NELL2: variants seen among roughly 807,000 people sequenced by gnomAD.
The protein encoded by NELL2 is neural EGFL like 2, also known as protein kinase C-binding protein NELL2.
A neutral mutation model predicts 109.6 loss-of-function variants in NELL2; 41 were observed. The observed-to-expected ratio is 0.37, with a 90% confidence interval of 0.29 to 0.49. NELL2 has a LOEUF of 0.49. Among genes scored for constraint, NELL2 ranks in the 20% least tolerant of loss-of-function variants. The pLI, the probability that NELL2 is intolerant of heterozygous loss-of-function variation, is 0.98. For missense variants in NELL2, 900 were observed against 1,008.3 expected (o/e 0.89, Z 1.45); for synonymous variants, 355 against 344.7 (o/e 1.03, Z -0.33).
chr12:44,708,654 G>A (rs1938022667), intron 11 of NELL2, among the ~76,000 whole-genome samples: 1 of 152,128 alleles, frequency 6.6e-6, no homozygotes, highest in Non-Finnish European at 1.5e-5. Context: ...GGAAATTAAT[G>A]CAATCTTTAT....
chr12:44,563,752 C>T (rs1943558683), intron 15 of NELL2, among the ~76,000 whole-genome samples: 1 of 152,192 alleles, frequency 6.6e-6, no homozygotes, highest in Non-Finnish European at 1.5e-5. Flanking sequence ...TTCGTTGATA[C>T]TTTCTAGTAG....
At position 44,609,436 on chromosome 12, in the gene NELL2, G is replaced by A. The variant is rs75107788; in HGVS notation, c.1567+1412C>T. Among the ~76,000 whole-genome samples the A allele has an allele frequency of 4.3e-3, 648 of 152,128 alleles. 11 individuals carry two copies. Among genetic ancestry groups the A allele is most frequent in the South Asian group, 0.033 (158 of 4,824 alleles). On this transcript the variant is annotated intron_variant, in intron 14 of 19. Transcript: ENST00000429094. ...AGATCTCATCATGCTACTCAGAATG[G>A]TGCACAGTTTTAAACTTAAGAATTG...
At chr12:44,716,858 T>C (rs1938516350) in intron 9 of NELL2, among the ~76,000 whole-genome samples, 1 of 152,100 alleles carries the variant, frequency 6.6e-6, no homozygotes, top group Admixed American at 6.6e-5. Context: ...ATTCTCCTTA[T>C]TAAAAGTCTT....
chr12:44,546,640 G>A (rs1385376477), intron 15 of NELL2, among the ~76,000 whole-genome samples: 2 of 152,140 alleles, frequency 1.3e-5, no homozygotes, highest in African/African-American at 2.4e-5. Flanking sequence ...CTGTCAATAT[G>A]AGGTCACTTA....
intron 12 of NELL2, among the ~76,000 whole-genome samples, chr12:44,669,316 A>T (rs1267581814): frequency 6.6e-6 from 1 of 152,236 alleles, no homozygotes; most frequent in Non-Finnish European, 1.5e-5. Flanking sequence ...ATATCAACAT[A>T]AAGACATAAG....
intron 2 of NELL2, among the ~76,000 whole-genome samples, chr12:44,868,724 T>C (rs1945079624): frequency 1.3e-5 from 2 of 152,134 alleles, no homozygotes; most frequent in South Asian, 4.1e-4. Flanking sequence ...TGCTGGTTAC[T>C]AGGGCCTGGG....
At chr12:44,587,284 A>AAAAAAAAATATAT in intron 15 of NELL2, among the ~76,000 whole-genome samples, 70 of 72,192 alleles carry the variant, frequency 9.7e-4, no homozygotes, top group Non-Finnish European at 1.6e-3. Flanking sequence ...AAAAAAAAAA[A>AAAAAAAAATATAT]ATATATATAT....
At chr12:44,625,673 T>C (rs1566041623) in intron 13 of NELL2, among the ~76,000 whole-genome samples, 1 of 152,184 alleles carries the variant, frequency 6.6e-6, no homozygotes, top group Non-Finnish European at 1.5e-5. Flanking sequence ...CCTGACCTGA[T>C]TGCTGAATAC....
chr12:44,912,195 G>A (rs1945787681), intron 1 of NELL2, among the ~76,000 whole-genome samples: 1 of 151,920 alleles, frequency 6.6e-6, no homozygotes, highest in Non-Finnish European at 1.5e-5. Context: ...TTTATGAGGA[G>A]AGACAATGGA....
At chr12:44,586,511 C>T (rs1370611242) in intron 15 of NELL2, among the ~76,000 whole-genome samples, 6 of 151,864 alleles carry the variant, frequency 4.0e-5, no homozygotes, top group African/African-American at 1.2e-4. Flanking sequence ...GTCTATCTAC[C>T]TATATAATTT....
intron 2 of NELL2, among the ~76,000 whole-genome samples, chr12:44,859,280 G>A (rs549717972): frequency 1.8e-4 from 27 of 152,302 alleles, no homozygotes; most frequent in South Asian, 1.2e-3. Context: ...AGTGGCTCAC[G>A]CCTGTAATTC....
At position 44,708,572 on chromosome 12, in the gene NELL2, G is replaced by A. The variant is rs545143546; in HGVS notation, c.1189+2720C>T. ...GGAGTTGACTAAAAATTTAAGCCTT[G>A]AAAACTTGACTTCTTTTAGTTTGAA... is the stretch of plus-strand genomic sequence containing the variant. On this transcript the variant is annotated intron_variant, in intron 11 of 19. Transcript: ENST00000429094. 7.6e-4 allele frequency among the ~76,000 whole-genome samples: 115 copies of A among 152,292 alleles called. 1 individual carries two copies. Among genetic ancestry groups the A allele is most frequent in the Admixed American group, 1.6e-3 (24 of 15,278 alleles).
Position 44,589,411 on chromosome 12 carries a change from T to TATTTATTC in NELL2, c.1663+17757_1663+17758insGAATAAAT, listed in dbSNP as rs1555181517. 6.0e-5 allele frequency among the ~76,000 whole-genome samples: 9 copies of TATTTATTC among 150,560 alleles called. No individual in the cohort carries two copies. In the East Asian group the frequency reaches 1.4e-3, roughly 23 times the overall value. ...TTATTTATTTATTTATTTATTTATT[T>TATTTATTC]GAGATGGAGTCTGGCTCTGTCATCC... is the stretch of plus-strand genomic sequence containing the variant. On this transcript the variant is annotated intron_variant, in intron 15 of 19. Coordinates refer to ENST00000429094, the MANE Select transcript of NELL2 (RefSeq NM_001145108.2).
intron 13 of NELL2, among the ~76,000 whole-genome samples, chr12:44,646,778 A>C (rs1040686879): frequency 1.3e-5 from 2 of 152,190 alleles, no homozygotes; most frequent in African/African-American, 4.8e-5. Flanking sequence ...GAGTTTACAA[A>C]TCACTCTTAG....
chr12:44,604,223 G>A (rs892331100), intron 15 of NELL2, among the ~76,000 whole-genome samples: 8 of 151,794 alleles, frequency 5.3e-5, no homozygotes, highest in African/African-American at 1.2e-4. Flanking sequence ...AGGCAGGACA[G>A]GAAAGAGAGA....
At chr12:44,838,762 A>G (rs1188611102) in intron 2 of NELL2, among the ~76,000 whole-genome samples, 1 of 152,242 alleles carries the variant, frequency 6.6e-6, no homozygotes, top group Non-Finnish European at 1.5e-5. Flanking sequence ...CTTCTAGCAG[A>G]ACTAGAATAC....
chr12:44,744,060 C>T (rs1250924656), intron 9 of NELL2, among the ~76,000 whole-genome samples: 1 of 152,122 alleles, frequency 6.6e-6, no homozygotes, highest in Non-Finnish European at 1.5e-5. Flanking sequence ...GTAAAGCACT[C>T]CTCAGCAAAT....
intron 9 of NELL2, among the ~76,000 whole-genome samples, chr12:44,746,189 A>T (rs996991242): frequency 3.3e-5 from 5 of 152,294 alleles, no homozygotes; most frequent in Admixed American, 3.3e-4. Flanking sequence ...CAAAAACAAG[A>T]AATGGGAAAA....
At chr12:44,735,192 C>G (rs577612705) in intron 9 of NELL2, among the ~76,000 whole-genome samples, 10 of 152,202 alleles carry the variant, frequency 6.6e-5, no homozygotes, top group Admixed American at 5.2e-4. Flanking sequence ...ATTATATTAA[C>G]TGTTGGTTAA....
Sources: gnomAD v4.1 joint callset for allele counts (sites outside exome capture counted in the v4.1 genomes callset) on GRCh38, gnomAD v4.1.1 for gene constraint, MANE v1.5 for transcripts, NCBI Gene and HGNC (gene_info 2026-07-23, HGNC 2026-07-21) for gene names.